PAX1: variants seen among roughly 807,000 people sequenced by gnomAD.
PAX1 encodes the protein paired box protein Pax-1.
Under a neutral mutation model 35.6 loss-of-function variants are expected in PAX1, and 18 were observed. That is an observed-to-expected ratio of 0.50 (90% CI 0.35 to 0.75). The LOEUF is 0.75. Ranked by LOEUF, PAX1 falls within the 30% of genes least tolerant of loss-of-function variation. The probability of loss-of-function intolerance (pLI) is 0.01; values close to 1 mark genes in which losing one functional copy is unlikely to be tolerated. For synonymous variants in PAX1, 397 were observed against 305.2 expected (o/e 1.30, Z -3.14); for missense variants, 760 against 661.5 (o/e 1.15, Z -1.63).
intron 4 of PAX1, among the ~76,000 whole-genome samples, chr20:21,712,641 C>A (rs1465343557): frequency 6.6e-6 from 1 of 152,230 alleles, no homozygotes; most frequent in Admixed American, 6.5e-5. Context: ...TAAGATACTG[C>A]ATACGCACAA....
At chr20:21,709,824 C>G (rs1985143737) in intron 4 of PAX1, among the ~76,000 whole-genome samples, 1 of 152,028 alleles carries the variant, frequency 6.6e-6, no homozygotes, top group African/African-American at 2.4e-5. Context: ...CAGGCACCCT[C>G]CAGGCTCACC....
intron 4 of PAX1, 133 bp downstream of exon 4, chr20:21,709,577 G>T: frequency 1.5e-6 from 1 of 667,668 alleles, no homozygotes; most frequent in Non-Finnish European, 2.5e-6. Context: ...CTTCTTCTGG[G>T]TTAACCTTTG....
In PAX1 at chr20:21,706,303, C is replaced by A; in HGVS notation, c.287-135C>A. 8.1e-7 allele frequency: 1 copy of A among 1,233,144 alleles called. No individual in the cohort carries two copies. Among genetic ancestry groups the A allele is most frequent in the Non-Finnish European group, 1.2e-6 (1 of 853,880 alleles). 76.4% of individuals were successfully genotyped at this position (1,233,144 alleles called of 1,614,324 possible). On this transcript the variant is annotated intron_variant, in intron 1 of 4. Coordinates refer to ENST00000613128, the MANE Select transcript of PAX1 (RefSeq NM_001257096.2). This position sits in a 1 kb window ranked among gnomAD's most constrained non-coding sequence, Gnocchi z 5.3. Reference sequence around the variant, plus strand: ...ACCCAGGCGGTTTGCCCTTGGACTCCGAGCTGTCTGGGGACCCACAGGTCA... The same window carrying A: ...ACCCAGGCGGTTTGCCCTTGGACTCAGAGCTGTCTGGGGACCCACAGGTCA...
chr20:21,713,540 TC>T (rs1568697826), intron 4 of PAX1, among the ~76,000 whole-genome samples: 1 of 151,198 alleles, frequency 6.6e-6, no homozygotes, highest in Admixed American at 6.6e-5. Flanking sequence ...CGCTCCAAGC[TC>T]CCCCTTTAAA....
At position 21,714,348 on chromosome 20, in the gene PAX1, T is replaced by C. The variant is rs1985293257; in HGVS notation, c.1283-123T>C. 4.3e-6 allele frequency: 3 copies of C among 691,620 alleles called. No individual in the cohort carries two copies. The East Asian group carries it at 8.6e-5, about 20-fold the overall frequency. 42.8% of individuals were successfully genotyped at this position (691,620 alleles called of 1,614,324 possible). ...TGGAGAGCGCGAGTCTCTGCTTCAC[T>C]CTTCCAGAGCCTTCAAGGGTTGAGC... On this transcript the variant is annotated intron_variant, in intron 4 of 4. Transcript: ENST00000613128.
intron 4 of PAX1, among the ~76,000 whole-genome samples, chr20:21,713,476 A>C (rs1985265310): frequency 6.6e-6 from 1 of 151,364 alleles, no homozygotes; most frequent in Admixed American, 6.6e-5. Context: ...GGCTGAGGCG[A>C]GGGAAGCTGC....
intron 2 of PAX1, 30 bp from the exon 3 acceptor site, chr20:21,708,528 A>T: frequency 6.2e-7 from 1 of 1,612,446 alleles, no homozygotes; most frequent in Non-Finnish European, 8.5e-7. Context: ...ATTCGGAGGC[A>T]CCTTTTAATC....
chr20:21,708,497 C>T, intron 2 of PAX1, 61 bp from the exon 3 acceptor site: 1 of 1,593,760 alleles, frequency 6.3e-7, no homozygotes, highest in Non-Finnish European at 8.6e-7. Flanking sequence ...GGGTGGTTGG[C>T]CACACGTGTG....
intron 4 of PAX1, 46 bp from the exon 5 acceptor site, chr20:21,714,425 C>A (rs1396444791): frequency 2.8e-6 from 4 of 1,427,062 alleles, no homozygotes; most frequent in East Asian, 2.5e-5. Context: ...TCTCGCACTG[C>A]GCGGCGCTAG....
chr20:21,705,821 G>A lies in PAX1; in HGVS notation c.109G>A (p.Ala37Thr), dbSNP rs1433949737. ...GGGCGGCAGCGCGCTCCGCTGCCGC[G>A]CACAGCGCGTCTCCAGCCCGCGGCT... ...GAGGSALRCR[A>T]QRVSSPRLGR... Residue 37 changes from alanine (A) to threonine (T), a missense_variant, in exon 1 of 5, where the codon GCA becomes ACA. Around this residue, in one of 3 missense-constraint regions of PAX1, gnomAD observed 222 missense variants for 153.0 expected, o/e 1.45. Transcript: ENST00000613128. The A allele has an allele frequency of 1.5e-6, 2 of 1,328,576 alleles. No individual in the cohort carries two copies. Among genetic ancestry groups the A allele is most frequent in the Non-Finnish European group, 1.9e-6 (2 of 1,036,776 alleles). The allele number at this position is 1,328,576 out of a possible 1,614,324, so 82.3% of individuals were successfully genotyped here.
In PAX1 at chr20:21,706,431, T is replaced by G. The variant is rs1465525738; in HGVS notation, c.287-7T>G. ...CTCCGGCTCACTCTTGTCTGGCGCA[T>G]CCGCAGAGCAGACGTATGGCGAGGT... On this transcript the variant is annotated splice_region_variant and splice_polypyrimidine_tract_variant and intron_variant, in intron 1 of 4. Coordinates refer to ENST00000613128, the MANE Select transcript of PAX1 (RefSeq NM_001257096.2). This position sits in a 1 kb window ranked among gnomAD's most constrained non-coding sequence, Gnocchi z 5.3. The G allele has an allele frequency of 6.2e-7, 1 of 1,611,418 alleles. No homozygotes were observed. The highest frequency in any genetic ancestry group is 8.5e-7 in the Non-Finnish European group (1 of 1,179,690).
At position 21,714,506 on chromosome 20, in the gene PAX1, GC is replaced by G; in HGVS notation, c.1322del (p.Pro441ArgfsTer98). On this transcript the variant is annotated frameshift_variant, in exon 5 of 5. Transcript: ENST00000613128. LOFTEE classifies it high-confidence loss of function. Reference protein sequence around the residue: ...DRKPPSSGSKAPDALSSLHGL... With the variant: ...DRKPPSSGSKXPDALSSLHGL... Reference sequence around the variant, plus strand: ...GAAGCCTCCCAGCTCCGGCAGCAAGGCCCCGGACGCCCTCAGTAGCTTACAC... The same window carrying G: ...GAAGCCTCCCAGCTCCGGCAGCAAGGCCCGGACGCCCTCAGTAGCTTACAC... 1 of 1,592,960 alleles carries G rather than the reference GC, an allele frequency of 6.3e-7. No homozygotes were observed.
rs1345692981 is a variant in PAX1 at position 21,706,595 on chromosome 20, C to T, written c.444C>T (p.Ser148=). Reference sequence around the variant, plus strand: ...TCCGCGTATCCCACGGCTGCGTGAGCAAGATCCTGGCGCGCTACAACGAGA... The same window carrying T: ...TCCGCGTATCCCACGGCTGCGTGAGTAAGATCCTGGCGCGCTACAACGAGA... ...RQLRVSHGCV[S]KILARYNETG... The change falls in exon 2 of 5, where the codon AGC becomes AGT. Residue 148 remains serine (S), a synonymous_variant. Transcript: ENST00000613128. This position sits in a 1 kb window ranked among gnomAD's most constrained non-coding sequence, Gnocchi z 5.3. 1 of 1,612,226 alleles carries T rather than the reference C, an allele frequency of 6.2e-7. No individual in the cohort carries two copies. Among genetic ancestry groups the T allele is most frequent in the Non-Finnish European group, 8.5e-7 (1 of 1,180,030 alleles).
intron 2 of PAX1, among the ~76,000 whole-genome samples, chr20:21,708,028 C>T (rs1227490750): frequency 6.6e-6 from 1 of 152,174 alleles, no homozygotes; most frequent in Admixed American, 6.5e-5. Context: ...TGGAGGTTTC[C>T]CTTGGTTCCT....
chr20:21,712,404 A>C (rs552427392), intron 4 of PAX1, among the ~76,000 whole-genome samples: 4 of 152,300 alleles, frequency 2.6e-5, no homozygotes, highest in Admixed American at 6.5e-5. Context: ...CTTAATCTTC[A>C]CTTGGAGAGG....
Position 21,705,879 on chromosome 20 carries a change from T to C in PAX1, c.167T>C (p.Leu56Pro), listed in dbSNP as rs2122130895. 2.2e-6 allele frequency: 3 copies of C among 1,395,294 alleles called. No individual in the cohort carries two copies. Among genetic ancestry groups the C allele is most frequent in the South Asian group, 3.0e-5 (2 of 65,686 alleles). The allele number at this position is 1,395,294 out of a possible 1,614,324, so 86.4% of individuals were successfully genotyped here. A position where few individuals can be genotyped will look rare whatever the true frequency, so the allele number is the denominator to read the frequency against. ...CGCGGCTCTCGGCTCTCGGGCGCCC[T>C]CCCTCTATGCCTCTCACGCGGCGGC... ...GRRGSRLSGA[L>P]PLCLSRGGGG... The change falls in exon 1 of 5, where the codon CTC becomes CCC. Residue 56 changes from leucine (L) to proline (P), a missense_variant. Leu to Pro is a moderately conservative substitution (Grantham distance 98). Around this residue, in one of 3 missense-constraint regions of PAX1, gnomAD observed 222 missense variants for 153.0 expected, o/e 1.45. Transcript: ENST00000613128.
Position 21,706,713 on chromosome 20 carries a change from G to T in PAX1, c.562G>T (p.Asp188Tyr), listed in dbSNP as rs1163739863. ...VKHIRDYKQG[D>Y]PGIFAWEIRD... ...GCACATCCGGGACTACAAGCAAGGA[G>T]ACCCTGGCATCTTTGCCTGGGAGAT... Residue 188 changes from aspartate to tyrosine, a missense_variant, in exon 2 of 5, where the codon GAC becomes TAC. Asp to Tyr is a radical substitution (Grantham distance 160, BLOSUM62 -3). Coordinates refer to ENST00000613128, the MANE Select transcript of PAX1 (RefSeq NM_001257096.2). The surrounding 1 kb of genome is among the most constrained non-coding windows in gnomAD (Gnocchi z 5.3). The T allele has an allele frequency of 1.9e-5, 31 of 1,613,490 alleles. No homozygotes were observed. Among genetic ancestry groups the T allele is most frequent in the Non-Finnish European group, 2.5e-5 (29 of 1,180,044 alleles).
At position 21,709,442 on chromosome 20, in the gene PAX1, A is replaced by T. The variant is rs1014444473; in HGVS notation, c.1280A>T (p.Glu427Val). The T allele has an allele frequency of 3.3e-6, 5 of 1,526,082 alleles. No individual in the cohort carries two copies. Among genetic ancestry groups the T allele is most frequent in the Non-Finnish European group, 4.4e-6 (5 of 1,141,806 alleles). 94.5% of individuals were successfully genotyped at this position (1,526,082 alleles called of 1,614,324 possible). A position where few individuals can be genotyped will look rare whatever the true frequency, so the allele number is the denominator to read the frequency against. ...AAMTFKHPSREVADRKPPSSG... is the reference protein window; with the variant it reads ...AAMTFKHPSRVVADRKPPSSG... The stretch of plus-strand genomic sequence containing the variant: ...ATGACCTTCAAGCATCCCAGCCGAG[A>T]AGGTGAGGAGCGCAGGGAGTGGGGC... The change falls in exon 4 of 5, where the codon GAA becomes GTA. Residue 427 changes from glutamate (E) to valine (V), a missense_variant and splice_region_variant. Physicochemically the swap from Glu to Val is moderately radical, Grantham distance 121. This residue lies in a region of PAX1 where 490 missense variants were observed against 428.4 expected (regional missense o/e 1.14). Coordinates refer to ENST00000613128, the MANE Select transcript of PAX1 (RefSeq NM_001257096.2).
intron 3 of PAX1, 21 bp from the exon 4 acceptor site, chr20:21,709,201 G>C (rs372884479): frequency 3.8e-6 from 6 of 1,575,384 alleles, no homozygotes; most frequent in Non-Finnish European, 4.3e-6. Flanking sequence ...TGCTGCTGAC[G>C]GTCCCTCTCT....
Sources: gnomAD v4.1 joint callset for allele counts (sites outside exome capture counted in the v4.1 genomes callset) on GRCh38, gnomAD v4.1.1 for gene constraint, gnomAD v4.1.1 regional missense constraint, Gnocchi (gnomAD v3.1) non-coding constraint, MANE v1.5 for transcripts, NCBI Gene and HGNC (gene_info 2026-07-23, HGNC 2026-07-21) for gene names.